Variants in MAN2A2 observed in about 807,000 individuals in gnomAD.
MAN2A2 encodes the protein alpha-mannosidase 2x.
MAN2A2 carries 79 observed loss-of-function variants against 126.8 expected under a neutral mutation model. The ratio of observed to expected loss-of-function variants is 0.62; its 90% confidence interval spans 0.52 to 0.75. MAN2A2 has a LOEUF of 0.75. Ranked by LOEUF, MAN2A2 falls within the 30% of genes least tolerant of loss-of-function variation. The pLI, the probability that MAN2A2 is intolerant of heterozygous loss-of-function variation, is 0.00. For missense variants in MAN2A2, 1,392 were observed against 1,522.4 expected, an observed-to-expected ratio of 0.91 and a Z score of 1.43; for synonymous variants, 671 against 618.7, an observed-to-expected ratio of 1.08 and a Z score of -1.25.
chr15:90,905,975 G>A lies in MAN2A2; in HGVS notation c.666G>A (p.Trp222Ter), dbSNP rs1485290726. Residue 222 changes from tryptophan (W) to a stop codon, truncating the protein, a stop_gained, in exon 5 of 23, where the codon TGG becomes TGA. Transcript: ENST00000559717. LOFTEE classifies it high-confidence loss of function. ...CAGAGGTCTCCTTCTTCGCCAAGTG[G>A]TGGGACAACATCAATGTCCAAAAGA... ...LWAEVSFFAK[W>*]WDNINVQKRA... 6.2e-7 allele frequency: 1 copy of A among 1,614,056 alleles called. No individual in the cohort carries two copies. The highest frequency in any genetic ancestry group is 1.1e-5 in the South Asian group (1 of 91,082).
At position 90,921,984 on chromosome 15, in the gene MAN2A2, T is replaced by C. The variant is rs930279838; in HGVS notation, c.*2197T>C. 1.3e-5 allele frequency: 2 copies of C among 152,094 alleles called. No individual in the cohort carries two copies. The highest frequency in any genetic ancestry group is 2.9e-5 in the Non-Finnish European group (2 of 68,006). The allele number at this position is 152,094 out of a possible 1,614,324, so 9.4% of individuals were successfully genotyped here. A position where few individuals can be genotyped will look rare whatever the true frequency, so the allele number is the denominator to read the frequency against. On this transcript the variant is annotated 3_prime_UTR_variant, in exon 23 of 23. Coordinates refer to ENST00000559717, the MANE Select transcript of MAN2A2 (RefSeq NM_006122.4). ...ACAAATTAGTTCCAGAGGGAAGATA[T>C]ACCACAAAATTACTCAAAAATTTTT...
In MAN2A2 at chr15:90,910,503, G is replaced by T. The variant is rs980476156; in HGVS notation, c.1580G>T (p.Gly527Val). Residue 527 changes from glycine (G) to valine (V), a missense_variant and splice_region_variant, in exon 11 of 23, where the codon GGG (glycine) becomes GTG (valine). Gly to Val is a moderately radical substitution (Grantham distance 109). Coordinates refer to ENST00000559717, the MANE Select transcript of MAN2A2 (RefSeq NM_006122.4). ...AGCTAACTTCTCTCTCTGGGCAGGG[G>T]GGCAGAGGTTCTGTACAGCCTGGCT... ...LDRVLEAHLRGAEVLYSLAAA... is the reference protein window; with the variant it reads ...LDRVLEAHLRVAEVLYSLAAA... The T allele has an allele frequency of 2.5e-6, 4 of 1,613,766 alleles. No individual in the cohort carries two copies. Among genetic ancestry groups the T allele is most frequent in the South Asian group, 2.2e-5 (2 of 91,090 alleles).
chr15:90,907,436 C>T lies in MAN2A2; in HGVS notation c.1137C>T (p.Arg379=). The T allele has an allele frequency of 1.9e-6, 3 of 1,614,030 alleles. No individual in the cohort carries two copies. Among genetic ancestry groups the T allele is most frequent in the Non-Finnish European group, 2.5e-6 (3 of 1,180,034 alleles). The change falls in exon 8 of 23, where the codon CGC becomes CGT. Residue 379 remains arginine, a synonymous_variant. Coordinates refer to ENST00000559717, the MANE Select transcript of MAN2A2 (RefSeq NM_006122.4). The stretch of plus-strand genomic sequence containing the variant: ...ATTTCAAACGCCTGCCTGGTGGGCG[C>T]ATCAACTGCCCTTGGAAGGTGCCAC... The part of the protein sequence containing the change: ...QFDFKRLPGG[R]INCPWKVPPR...
chr15:90,907,573 T>C (rs1005054426), intron 8 of MAN2A2, 78 bp downstream of exon 8: 2 of 1,400,812 alleles, frequency 1.4e-6, no homozygotes, highest in Non-Finnish European at 1.9e-6. Flanking sequence ...ACGTGGAGGG[T>C]GGGCTCAGGT....
At position 90,918,756 on chromosome 15, in the gene MAN2A2, G is replaced by A; in HGVS notation, c.3300+1G>A. ...CAACTGCACCACAAGCCAAGGCAAG[G>A]TGAGTAGGGTGGGGAAACAGAGCAC... On this transcript the variant is annotated splice_donor_variant, in intron 22 of 22. Transcript: ENST00000559717. LOFTEE classifies it high-confidence loss of function. The A allele has an allele frequency of 6.6e-7, 1 of 1,519,506 alleles. No homozygotes were observed. The highest frequency in any genetic ancestry group is 1.1e-5 in the South Asian group (1 of 88,906). 94.1% of individuals were successfully genotyped at this position (1,519,506 alleles called of 1,614,324 possible). A position where few individuals can be genotyped will look rare whatever the true frequency, so the allele number is the denominator to read the frequency against.
chr15:90,911,864 T>C lies in MAN2A2; in HGVS notation c.2110-179T>C, dbSNP rs564233296. 1.7e-4 allele frequency: 111 copies of C among 662,788 alleles called. No homozygotes were observed. The African/African-American group carries it at 1.8e-3, about 11-fold the overall frequency. The allele number at this position is 662,788 out of a possible 1,614,324, so 41.1% of individuals were successfully genotyped here. A position where few individuals can be genotyped will look rare whatever the true frequency, so the allele number is the denominator to read the frequency against. On this transcript the variant is annotated intron_variant, in intron 14 of 22. Transcript: ENST00000559717. ...GCTTCATACTTTTTCAAATATCACT[T>C]GAGAATCATAAAGTCTGATGAGGAA...
At position 90,918,708 on chromosome 15, in the gene MAN2A2, C is replaced by G. The variant is rs757416659; in HGVS notation, c.3253C>G (p.Leu1085Val). ...ILHRKGFDCGLEAKNLGFNCT... is the reference protein window; with the variant it reads ...ILHRKGFDCGVEAKNLGFNCT... Reference sequence around the variant, plus strand: ...ACACCGCAAGGGTTTTGACTGCGGCCTGGAGGCCAAGAACTTGGGCTTCAA... The same window carrying G: ...ACACCGCAAGGGTTTTGACTGCGGCGTGGAGGCCAAGAACTTGGGCTTCAA... The change falls in exon 22 of 23, where the codon CTG (leucine) becomes GTG (valine). Residue 1085 changes from leucine to valine, a missense_variant. By Grantham distance (32) the Leu-to-Val change is conservative. Coordinates refer to ENST00000559717, the MANE Select transcript of MAN2A2 (RefSeq NM_006122.4). 1 of 1,521,846 alleles carries G rather than the reference C, an allele frequency of 6.6e-7. No homozygotes were observed. The highest frequency in any genetic ancestry group is 1.1e-5 in the South Asian group (1 of 89,152). The allele number at this position is 1,521,846 out of a possible 1,614,324, so 94.3% of individuals were successfully genotyped here. A position where few individuals can be genotyped will look rare whatever the true frequency, so the allele number is the denominator to read the frequency against.
At chr15:90,919,527 C>T (rs2035438576) in intron 22 of MAN2A2, 108 bp from the exon 23 acceptor site, 12 of 1,363,290 alleles carry the variant, frequency 8.8e-6, no homozygotes, top group African/African-American at 2.9e-5. Context: ...GTGTGAGCCA[C>T]TGCCCCTGGC....
At chr15:90,913,238 A>G (rs1251987805) in intron 17 of MAN2A2, 35 bp from the exon 18 acceptor site, 2 of 1,609,904 alleles carry the variant, frequency 1.2e-6, no homozygotes, top group Admixed American at 3.3e-5. Flanking sequence ...TCAGCCTCAC[A>G]CCTGTCCATG....
At chr15:90,906,075 G>A (rs1370158617) in intron 5 of MAN2A2, 59 bp downstream of exon 5, 13 of 1,603,880 alleles carry the variant, frequency 8.1e-6, no homozygotes, top group South Asian at 1.1e-5. Flanking sequence ...CTGGGTGGAC[G>A]GGTCTTACCT....
rs1177523707 is a variant in MAN2A2, at chr15:90,911,120, G to A, written c.1876-51G>A. The A allele has an allele frequency of 1.9e-6, 3 of 1,591,444 alleles. No homozygotes were observed. In the East Asian group the frequency reaches 6.7e-5, roughly 36 times the overall value. ...TCCACACCTGGGACAGGTGGGGTGG[G>A]AGGAGGCTGAGCCCATGATGGTTCT... On this transcript the variant is annotated intron_variant, in intron 12 of 22. Coordinates refer to ENST00000559717, the MANE Select transcript of MAN2A2 (RefSeq NM_006122.4).
intron 13 of MAN2A2, 38 bp from the exon 14 acceptor site, chr15:90,911,347 G>A (rs766265993): frequency 6.2e-7 from 1 of 1,613,490 alleles, no homozygotes; most frequent in Non-Finnish European, 8.5e-7. Flanking sequence ...CTGGTCGGAA[G>A]CAGCAGCCTC....
At chr15:90,905,013 C>A (rs2034153038) in intron 2 of MAN2A2, among the ~76,000 whole-genome samples, 1 of 152,196 alleles carries the variant, frequency 6.6e-6, no homozygotes. Flanking sequence ...GAAAGGAAAT[C>A]TTTGCCATCC....
At chr15:90,908,628 T>C (rs1358855370) in intron 8 of MAN2A2, among the ~76,000 whole-genome samples, 2 of 150,808 alleles carry the variant, frequency 1.3e-5, no homozygotes, top group African/African-American at 2.4e-5. Context: ...CAGGCTGGAG[T>C]GCGGTGGTGC....
At chr15:90,904,145 G>C (rs1273773857) in intron 1 of MAN2A2, 45 bp from the exon 2 acceptor site, 1 of 1,609,572 alleles carries the variant, frequency 6.2e-7, no homozygotes, top group African/African-American at 1.3e-5. Context: ...AGACTGCCAC[G>C]GGCATTTTGC....
chr15:90,908,591 T>C (rs961075030), intron 8 of MAN2A2, among the ~76,000 whole-genome samples: 1 of 151,616 alleles, frequency 6.6e-6, no homozygotes, highest in Non-Finnish European at 1.5e-5. Flanking sequence ...TTAATTTTTT[T>C]TTTTTTTTGA....
At position 90,918,630 on chromosome 15, in the gene MAN2A2, CTG is replaced by C. The variant is rs746352105; in HGVS notation, c.3190-13_3190-12del. ...AGCCCTGCGCCCACTTCCCTGGGCA[CTG>C]TCTGTCATCCAGGAGGACACCCTAC... is the stretch of plus-strand genomic sequence containing the variant. On this transcript the variant is annotated splice_polypyrimidine_tract_variant and intron_variant, in intron 21 of 22. Transcript: ENST00000559717. 3.3e-6 allele frequency: 5 copies of C among 1,495,318 alleles called. No individual in the cohort carries two copies. Among genetic ancestry groups the C allele is most frequent in the Non-Finnish European group, 4.7e-6 (5 of 1,073,610 alleles). 92.6% of individuals were successfully genotyped at this position (1,495,318 alleles called of 1,614,324 possible). A position where few individuals can be genotyped will look rare whatever the true frequency, so the allele number is the denominator to read the frequency against.
chr15:90,913,316 C>T lies in MAN2A2; in HGVS notation c.2628C>T (p.Ile876=), dbSNP rs750184107. ...TGGACATATCATCCCTGGTGGACAT[C>T]CGGGACTACGTCAACAAGGAGCTGG... is the stretch of plus-strand genomic sequence containing the variant. ...LSLDISSLVD[I]RDYVNKELAL... The change falls in exon 18 of 23, where the codon ATC becomes ATT. Residue 876 remains isoleucine (I), a synonymous_variant. Coordinates refer to ENST00000559717, the MANE Select transcript of MAN2A2 (RefSeq NM_006122.4). 3 of 1,614,042 alleles carry T rather than the reference C, an allele frequency of 1.9e-6. No homozygotes were observed. In the South Asian group the frequency reaches 3.3e-5, roughly 18 times the overall value.
Position 90,911,525 on chromosome 15 carries a change from C to T in MAN2A2, c.2084C>T (p.Thr695Ile). ...ATCAGCGCACACTGGAGCTCTGCCACCGAGGCGGTCCCTGACGTCTACCAG... is the reference window on the plus strand; with the variant it reads ...ATCAGCGCACACTGGAGCTCTGCCATCGAGGCGGTCCCTGACGTCTACCAG... The part of the protein sequence containing the change: ...VQISAHWSSA[T>I]EAVPDVYQVS... Residue 695 changes from threonine to isoleucine, a missense_variant, in exon 14 of 23, where the codon ACC becomes ATC. Thr to Ile is a moderately conservative substitution (Grantham distance 89). Transcript: ENST00000559717. The T allele has an allele frequency of 6.2e-7, 1 of 1,613,346 alleles. No individual in the cohort carries two copies. The highest frequency in any genetic ancestry group is 8.5e-7 in the Non-Finnish European group (1 of 1,179,766).
Sources: allele counts gnomAD v4.1 joint callset (sites outside exome capture counted in the v4.1 genomes callset), GRCh38; gene constraint gnomAD v4.1.1; transcripts MANE v1.5; gene names NCBI Gene and HGNC (gene_info 2026-07-23, HGNC 2026-07-21).